The following CSMD1 variants were observed in gnomAD, a reference collection of about 807,000 sequenced individuals.
CSMD1 encodes the protein CUB and sushi domain-containing protein 1.
Under a neutral mutation model 417.5 loss-of-function variants are expected in CSMD1, and 213 were observed. That is an observed-to-expected ratio of 0.51 (90% CI 0.46 to 0.57). The LOEUF (loss-of-function observed/expected upper bound fraction) is 0.57, where lower values mean the gene tolerates loss of function less well. Among genes scored for constraint, CSMD1 ranks in the 20% least tolerant of loss-of-function variants. The pLI is 0.00. For synonymous variants in CSMD1, 2,862 were observed against 1,736.8 expected (o/e 1.65, Z -16.11); for missense variants, 6,923 against 4,529.7 (o/e 1.53, Z -15.17).
chr8:4,359,032 T>C (rs971504434), intron 3 of CSMD1, among the ~76,000 whole-genome samples: 1 of 152,176 alleles, frequency 6.6e-6, no homozygotes, highest in Non-Finnish European at 1.5e-5. Context: ...TATGCCTATA[T>C]ATGTGGCAAA....
In CSMD1 at chr8:3,308,397, C is replaced by G; in HGVS notation, c.3738G>C (p.Pro1246=). ...TGTTGCTGCCATGCATGGCGTACCCCGGGTTGCAACTGTACAGAACTACAG... is the reference window on the plus strand; with the variant it reads ...TGTTGCTGCCATGCATGGCGTACCCGGGGTTGCAACTGTACAGAACTACAG... ...TDTVVLYSCN[P]GYAMHGSNTL... is the part of the protein sequence containing the mutation. The change falls in exon 24 of 70, where the codon CCG becomes CCC. Residue 1246 remains proline (P), a synonymous_variant. Transcript: ENST00000635120. The G allele has an allele frequency of 6.2e-7, 1 of 1,613,764 alleles. No homozygotes were observed. Among genetic ancestry groups the G allele is most frequent in the Non-Finnish European group, 8.5e-7 (1 of 1,179,814 alleles).
chr8:4,049,072 A>C (rs1448454020), intron 3 of CSMD1, among the ~76,000 whole-genome samples: 5 of 152,200 alleles, frequency 3.3e-5, no homozygotes, highest in Admixed American at 6.5e-5. Flanking sequence ...TTTCATGGTT[A>C]GGAATTGCCT....
intron 1 of CSMD1, among the ~76,000 whole-genome samples, chr8:4,937,004 A>T: frequency 6.6e-6 from 1 of 152,152 alleles, no homozygotes; most frequent in Non-Finnish European, 1.5e-5. Flanking sequence ...TGAGGTCAGG[A>T]ATTGGAGACC....
At chr8:4,273,355 G>T (rs957634800) in intron 3 of CSMD1, among the ~76,000 whole-genome samples, 2 of 152,056 alleles carry the variant, frequency 1.3e-5, no homozygotes, top group Non-Finnish European at 2.9e-5. Context: ...ATATTTACGG[G>T]TAATTCGAGA....
chr8:4,904,601 T>C (rs964005449), intron 1 of CSMD1, among the ~76,000 whole-genome samples: 9 of 152,034 alleles, frequency 5.9e-5, no homozygotes, highest in African/African-American at 2.2e-4. Flanking sequence ...ATTAAGCACA[T>C]ATATGAGTGA....
chr8:3,859,592 GACCA>G (rs1032573294), intron 5 of CSMD1, among the ~76,000 whole-genome samples: 3 of 152,120 alleles, frequency 2.0e-5, no homozygotes, highest in African/African-American at 7.2e-5. Context: ...ATGCCAGAAA[GACCA>G]ACCATGTTAT....
chr8:4,778,268 A>T (rs1320583113), intron 1 of CSMD1, among the ~76,000 whole-genome samples: 4 of 152,220 alleles, frequency 2.6e-5, no homozygotes, highest in Non-Finnish European at 5.9e-5. Flanking sequence ...ACTGTGGCAC[A>T]TGGGCTGGTC....
At chr8:3,401,341 G>A (rs1231156266) in intron 15 of CSMD1, among the ~76,000 whole-genome samples, 1 of 151,856 alleles carries the variant, frequency 6.6e-6, no homozygotes, top group African/African-American at 2.4e-5. Context: ...GCATTTTTAT[G>A]TTTCTTGGAA....
At chr8:3,419,100 C>A (rs1001185388) in intron 12 of CSMD1, among the ~76,000 whole-genome samples, 6 of 152,192 alleles carry the variant, frequency 3.9e-5, no homozygotes, top group Admixed American at 6.5e-5. Context: ...AGCTAGGAAC[C>A]TCATGGAGGT....
intron 2 of CSMD1, among the ~76,000 whole-genome samples, chr8:4,526,081 A>AT (rs1433596522): frequency 1.3e-5 from 2 of 152,146 alleles, no homozygotes; most frequent in Admixed American, 1.3e-4. Flanking sequence ...CCTGGGACAC[A>AT]TTTTTTAAAT....
intron 8 of CSMD1, among the ~76,000 whole-genome samples, chr8:3,609,859 C>G (rs1387051779): frequency 8.0e-5 from 10 of 125,160 alleles, no homozygotes; most frequent in Non-Finnish European, 9.6e-5. Context: ...TGCTCTGTCC[C>G]CCAGGCTGAA....
At chr8:3,541,741 A>T (rs1002131864) in intron 10 of CSMD1, among the ~76,000 whole-genome samples, 14 of 147,196 alleles carry the variant, frequency 9.5e-5, no homozygotes, top group African/African-American at 3.0e-4. Context: ...ATAAAATATT[A>T]TATAAATATA....
intron 41 of CSMD1, among the ~76,000 whole-genome samples, chr8:3,139,513 G>C (rs1818305551): frequency 6.6e-6 from 1 of 152,128 alleles, no homozygotes; most frequent in African/African-American, 2.4e-5. Flanking sequence ...AACATCTCCT[G>C]CAATAGAAGA....
intron 8 of CSMD1, among the ~76,000 whole-genome samples, chr8:3,596,825 T>A (rs773795978): frequency 6.6e-6 from 1 of 152,024 alleles, no homozygotes; most frequent in Non-Finnish European, 1.5e-5. Context: ...AGTAATCACA[T>A]GAGATCCAAA....
At chr8:4,279,677 T>C (rs1346786238) in intron 3 of CSMD1, among the ~76,000 whole-genome samples, 5 of 152,216 alleles carry the variant, frequency 3.3e-5, no homozygotes, top group Non-Finnish European at 5.9e-5. Flanking sequence ...AACTTATAAT[T>C]AGCCAACTTT....
chr8:3,462,128 C>G (rs968593262), intron 12 of CSMD1, among the ~76,000 whole-genome samples: 6 of 152,066 alleles, frequency 3.9e-5, no homozygotes, highest in African/African-American at 1.2e-4. Context: ...CCAGGCCCCC[C>G]CCCCCACCTC....
intron 3 of CSMD1, among the ~76,000 whole-genome samples, chr8:4,283,052 A>G (rs1312544753): frequency 1.3e-5 from 2 of 152,166 alleles, no homozygotes; most frequent in Non-Finnish European, 2.9e-5. Flanking sequence ...AATGCCTGAT[A>G]GTTAGAAACA....
At chr8:4,078,896 AATATATATATATATAT>A (rs1173719388) in intron 3 of CSMD1, among the ~76,000 whole-genome samples, 56 of 43,544 alleles carry the variant, frequency 1.3e-3, no homozygotes, top group African/African-American at 3.4e-3. Context: ...AATAATAATA[AATATATATATATATAT>A]ATATATATAT....
chr8:3,707,299 T>C (rs1276639160), intron 7 of CSMD1, among the ~76,000 whole-genome samples: 1 of 131,200 alleles, frequency 7.6e-6, no homozygotes, highest in Non-Finnish European at 1.7e-5. Flanking sequence ...AGCATGCAGA[T>C]GTAAACAGAA....
Sources: gnomAD v4.1 joint callset for allele counts (sites outside exome capture counted in the v4.1 genomes callset) on GRCh38, gnomAD v4.1.1 for gene constraint, MANE v1.5 for transcripts, NCBI Gene and HGNC (gene_info 2026-07-23, HGNC 2026-07-21) for gene names.